The following LRRC4C variants were observed in gnomAD, a reference collection of about 807,000 sequenced individuals.
LRRC4C encodes leucine-rich repeat-containing protein 4C.
LRRC4C carries 5 observed loss-of-function variants against 33.6 expected under a neutral mutation model. The observed-to-expected ratio is 0.15, with a 90% confidence interval of 0.08 to 0.31. The LOEUF is 0.31. Ranked by LOEUF, LRRC4C falls within the 10% of genes least tolerant of loss-of-function variation. LRRC4C has a pLI of 1.00. For synonymous variants in LRRC4C, 329 were observed against 302.0 expected (o/e 1.09, Z -0.93); for missense variants, 560 against 796.7 (o/e 0.70, Z 3.58).
chr11:40,510,442 A>G (rs1360431108), intron 3 of LRRC4C, among the ~76,000 whole-genome samples: 1 of 152,078 alleles, frequency 6.6e-6, no homozygotes, highest in East Asian at 1.9e-4. Flanking sequence ...AATAATGACT[A>G]TTTTACTCAA....
chr11:41,200,100 C>A (rs765315984), intron 1 of LRRC4C, among the ~76,000 whole-genome samples: 1 of 151,984 alleles, frequency 6.6e-6, no homozygotes, highest in Non-Finnish European at 1.5e-5. Context: ...GTAGTAATGT[C>A]ACTTCTGAAA....
intron 1 of LRRC4C, among the ~76,000 whole-genome samples, chr11:41,348,531 T>A: frequency 6.6e-6 from 1 of 151,124 alleles, no homozygotes. Flanking sequence ...AAAGAAAGAG[T>A]GTTGCCCTCG....
intron 1 of LRRC4C, among the ~76,000 whole-genome samples, chr11:41,228,516 C>T (rs149314883): frequency 3.9e-5 from 6 of 152,216 alleles, no homozygotes; most frequent in Non-Finnish European, 7.4e-5. Context: ...CAATAGATAT[C>T]TCATCCTTAA....
At chr11:40,853,092 G>A (rs534478280) in intron 2 of LRRC4C, among the ~76,000 whole-genome samples, 1 of 152,122 alleles carries the variant, frequency 6.6e-6, no homozygotes, top group Non-Finnish European at 1.5e-5. Flanking sequence ...TGATGTCACA[G>A]CCTTCCTAAC....
chr11:40,953,179 G>T (rs77424865), intron 1 of LRRC4C, among the ~76,000 whole-genome samples: 1 of 151,798 alleles, frequency 6.6e-6, no homozygotes, highest in South Asian at 2.1e-4. Flanking sequence ...AATCTATCCC[G>T]AGAGGGACCC....
intron 1 of LRRC4C, among the ~76,000 whole-genome samples, chr11:41,288,134 A>G (rs2136984937): frequency 6.6e-6 from 1 of 152,328 alleles, no homozygotes; most frequent in Admixed American, 6.5e-5. Context: ...ATAATCTATG[A>G]GGTGGCATGG....
chr11:40,172,346 C>T (rs1860114173), intron 5 of LRRC4C, among the ~76,000 whole-genome samples: 1 of 152,152 alleles, frequency 6.6e-6, no homozygotes, highest in African/African-American at 2.4e-5. Context: ...TTCCTACTGA[C>T]TAATCCTACA....
chr11:40,782,672 G>A (rs528843226), intron 2 of LRRC4C, among the ~76,000 whole-genome samples: 20 of 152,144 alleles, frequency 1.3e-4, no homozygotes, highest in Admixed American at 3.9e-4. Flanking sequence ...TGTTACTTAT[G>A]GTTCCTATGA....
chr11:41,234,908 A>C (rs1401230481), intron 1 of LRRC4C, among the ~76,000 whole-genome samples: 1 of 152,050 alleles, frequency 6.6e-6, no homozygotes, highest in Non-Finnish European at 1.5e-5. Context: ...GGTTTTAATC[A>C]CTATGGTATA....
intron 5 of LRRC4C, among the ~76,000 whole-genome samples, chr11:40,210,418 G>A (rs185567014): frequency 2.6e-5 from 4 of 152,278 alleles, no homozygotes; most frequent in Middle Eastern, 3.4e-3. Flanking sequence ...ACCTAATGAA[G>A]GGTCTCATAT....
intron 3 of LRRC4C, among the ~76,000 whole-genome samples, chr11:40,495,360 C>T (rs1199945152): frequency 6.6e-6 from 1 of 152,046 alleles, no homozygotes; most frequent in Non-Finnish European, 1.5e-5. Flanking sequence ...CCCTGCAGCG[C>T]CACATATTTG....
At chr11:40,141,265 T>C (rs1187168900) in intron 5 of LRRC4C, among the ~76,000 whole-genome samples, 1 of 152,144 alleles carries the variant, frequency 6.6e-6, no homozygotes, top group Admixed American at 6.6e-5. Context: ...GTTAAGAATC[T>C]GACATAGGCA....
intron 2 of LRRC4C, among the ~76,000 whole-genome samples, chr11:40,759,174 C>T (rs1434836475): frequency 2.0e-5 from 3 of 146,442 alleles, no homozygotes; most frequent in Non-Finnish European, 4.5e-5. Context: ...CCATTACACT[C>T]ATATATGAGG....
At chr11:40,796,652 T>TTTTTA (rs1950842137) in intron 2 of LRRC4C, among the ~76,000 whole-genome samples, 1 of 133,506 alleles carries the variant, frequency 7.5e-6, no homozygotes, top group African/African-American at 3.3e-5. Context: ...TTTTTTTTTT[T>TTTTTA]TTTTTTTATT....
chr11:40,598,495 C>T (rs775452168), intron 3 of LRRC4C, among the ~76,000 whole-genome samples: 32 of 152,142 alleles, frequency 2.1e-4, no homozygotes, highest in Non-Finnish European at 3.4e-4. Flanking sequence ...GCACTTAAAA[C>T]ATGTTAGCTG....
chr11:40,864,078 T>G (rs1954235455), intron 2 of LRRC4C, among the ~76,000 whole-genome samples: 1 of 152,088 alleles, frequency 6.6e-6, no homozygotes, highest in African/African-American at 2.4e-5. Flanking sequence ...TTATTTATTT[T>G]TGTTTTTTGA....
intron 2 of LRRC4C, among the ~76,000 whole-genome samples, chr11:40,657,088 C>G (rs11035997): frequency 0.16 from 24,187 of 152,014 alleles, 1,961 homozygotes; most frequent in Non-Finnish European, 0.18. Context: ...TTCATATAAT[C>G]CTAAAGACAA....
At chr11:41,221,558 C>A (rs1947307428) in intron 1 of LRRC4C, among the ~76,000 whole-genome samples, 1 of 151,968 alleles carries the variant, frequency 6.6e-6, no homozygotes, top group South Asian at 2.1e-4. Flanking sequence ...AGCTATATAC[C>A]CAAAGGAGTA....
chr11:40,469,561 A>G (rs1290368844), intron 3 of LRRC4C, among the ~76,000 whole-genome samples: 1 of 152,114 alleles, frequency 6.6e-6, no homozygotes, highest in African/African-American at 2.4e-5. Flanking sequence ...AGGGGGCTGA[A>G]GCCAGGGAGC....
Sources: gnomAD v4.1 joint callset for allele counts (sites outside exome capture counted in the v4.1 genomes callset) on GRCh38, gnomAD v4.1.1 for gene constraint, MANE v1.5 for transcripts, NCBI Gene and HGNC (gene_info 2026-07-23, HGNC 2026-07-21) for gene names.